ATXN1: variants seen among roughly 807,000 people sequenced by gnomAD.
ATXN1 encodes ataxin-1.
In ATXN1, 8 loss-of-function variants were observed where a neutral mutation model predicts 56.4. The ratio of observed to expected loss-of-function variants is 0.14; its 90% CI spans 0.08 to 0.26. The LOEUF is 0.26. ATXN1 is among the 10% of genes least tolerant of loss of function. The probability of loss-of-function intolerance (pLI) is 1.00; values close to 1 mark genes in which losing one functional copy is unlikely to be tolerated. For synonymous variants in ATXN1, 514 were observed against 494.6 expected (o/e 1.04, Z -0.52); for missense variants, 987 against 1,106.5 (o/e 0.89, Z 1.53).
intron 6 of ATXN1, among the ~76,000 whole-genome samples, chr6:16,376,013 C>T (rs1264006515): frequency 1.3e-5 from 2 of 152,250 alleles, no homozygotes; most frequent in Non-Finnish European, 2.9e-5. Flanking sequence ...CATGGCACAG[C>T]TGCCTGCGGG....
At chr6:16,650,239 A>C (rs1763870817) in intron 3 of ATXN1, among the ~76,000 whole-genome samples, 1 of 152,228 alleles carries the variant, frequency 6.6e-6, no homozygotes, top group Non-Finnish European at 1.5e-5. Flanking sequence ...TATTATATGG[A>C]GAGATGGAAG....
chr6:16,692,258 T>C (rs59530583), intron 2 of ATXN1, among the ~76,000 whole-genome samples: 2 of 151,428 alleles, frequency 1.3e-5, no homozygotes, highest in East Asian at 3.9e-4. Flanking sequence ...TCTGCAAATA[T>C]GTACTTTATA....
intron 2 of ATXN1, among the ~76,000 whole-genome samples, chr6:16,714,284 C>G (rs963187321): frequency 6.6e-6 from 1 of 151,842 alleles, no homozygotes; most frequent in African/African-American, 2.4e-5. Context: ...CTCCCACCCA[C>G]CTTTCGGAGG....
At chr6:16,318,944 G>C (rs1451115586) in intron 7 of ATXN1, among the ~76,000 whole-genome samples, 1 of 152,076 alleles carries the variant, frequency 6.6e-6, no homozygotes, top group Non-Finnish European at 1.5e-5. Flanking sequence ...AGGCAGGGAA[G>C]GGTGGCTCAT....
At chr6:16,546,664 A>T (rs12524208) in intron 4 of ATXN1, among the ~76,000 whole-genome samples, 8,494 of 152,246 alleles carry the variant, frequency 0.056, 320 homozygotes, top group South Asian at 0.083. Flanking sequence ...CTTCTGACAT[A>T]CTTATAAAAA....
At chr6:16,691,272 A>G (rs909494754) in intron 2 of ATXN1, among the ~76,000 whole-genome samples, 4 of 152,204 alleles carry the variant, frequency 2.6e-5, no homozygotes, top group African/African-American at 9.7e-5. Flanking sequence ...TGTCTTGTTC[A>G]CTATCATATT....
chr6:16,705,256 A>G (rs779631878), intron 2 of ATXN1, among the ~76,000 whole-genome samples: 7 of 152,122 alleles, frequency 4.6e-5, no homozygotes, highest in Non-Finnish European at 8.8e-5. Flanking sequence ...TGTTTTGCTC[A>G]CCCCACACTA....
chr6:16,479,149 A>G (rs546307960), intron 6 of ATXN1, among the ~76,000 whole-genome samples: 1 of 152,362 alleles, frequency 6.6e-6, no homozygotes. Flanking sequence ...TATACCATTT[A>G]TGTTTCCATT....
chr6:16,729,985 A>G (rs1478359094), intron 2 of ATXN1, among the ~76,000 whole-genome samples: 1 of 152,248 alleles, frequency 6.6e-6, no homozygotes, highest in African/African-American at 2.4e-5. Flanking sequence ...GATTAAAAAA[A>G]GAAACTTCAA....
At chr6:16,625,079 T>C (rs1763384502) in intron 3 of ATXN1, among the ~76,000 whole-genome samples, 1 of 152,182 alleles carries the variant, frequency 6.6e-6, no homozygotes, top group Non-Finnish European at 1.5e-5. Flanking sequence ...CCAAGCCTCT[T>C]TGATGCCATC....
intron 3 of ATXN1, among the ~76,000 whole-genome samples, chr6:16,628,606 C>G (rs1763449104): frequency 6.6e-6 from 1 of 152,182 alleles, no homozygotes; most frequent in African/African-American, 2.4e-5. Flanking sequence ...TTCTGCTCCT[C>G]TTCCTCCTCC....
chr6:16,741,747 C>T (rs971230582), intron 2 of ATXN1, among the ~76,000 whole-genome samples: 8 of 152,308 alleles, frequency 5.3e-5, no homozygotes, highest in East Asian at 3.9e-4. Flanking sequence ...CTCAGAAAGA[C>T]GTTTCTTCAT....
At chr6:16,340,406 T>A (rs1049264124) in intron 6 of ATXN1, among the ~76,000 whole-genome samples, 1 of 152,220 alleles carries the variant, frequency 6.6e-6, no homozygotes, top group African/African-American at 2.4e-5. Flanking sequence ...ATTCTTCACA[T>A]CATGGCTGGG....
chr6:16,540,377 A>G (rs962111711), intron 4 of ATXN1, among the ~76,000 whole-genome samples: 7 of 151,816 alleles, frequency 4.6e-5, no homozygotes, highest in Non-Finnish European at 7.4e-5. Flanking sequence ...ACGCCTGGCT[A>G]ATTTTTTATA....
intron 3 of ATXN1, among the ~76,000 whole-genome samples, chr6:16,597,841 C>A (rs966960755): frequency 1.3e-5 from 2 of 152,080 alleles, no homozygotes; most frequent in Non-Finnish European, 2.9e-5. Context: ...TATTAGGAGA[C>A]CAGGAGTGCA....
intron 4 of ATXN1, among the ~76,000 whole-genome samples, chr6:16,572,358 G>A (rs149455867): frequency 1.1e-3 from 164 of 152,210 alleles, no homozygotes; most frequent in African/African-American, 3.5e-3. Context: ...GGAGATCTTC[G>A]AAGACCTTCA....
At chr6:16,536,925 C>T (rs1761611742) in intron 4 of ATXN1, among the ~76,000 whole-genome samples, 3 of 152,148 alleles carry the variant, frequency 2.0e-5, no homozygotes, top group Admixed American at 2.0e-4. Context: ...CTAGTCAATA[C>T]ACATTTTCAT....
intron 6 of ATXN1, among the ~76,000 whole-genome samples, chr6:16,472,825 C>G (rs1023053994): frequency 1.2e-4 from 18 of 152,150 alleles, no homozygotes; most frequent in Admixed American, 3.9e-4. Flanking sequence ...AACCACCACC[C>G]CTAAAGGTGC....
chr6:16,446,740 T>C (rs1032747332), intron 6 of ATXN1, among the ~76,000 whole-genome samples: 1 of 152,234 alleles, frequency 6.6e-6, no homozygotes, highest in Non-Finnish European at 1.5e-5. Flanking sequence ...GTAAAATATA[T>C]CCTGTTGGTG....
Sources: gnomAD v4.1 joint callset for allele counts (sites outside exome capture counted in the v4.1 genomes callset) on GRCh38, gnomAD v4.1.1 for gene constraint, MANE v1.5 for transcripts, NCBI Gene and HGNC (gene_info 2026-07-23, HGNC 2026-07-21) for gene names.